The following EVA1C variants were observed in gnomAD, a reference collection of about 807,000 sequenced individuals.
The protein encoded by EVA1C is protein eva-1 homolog C.
In EVA1C, 25 loss-of-function variants were observed where a neutral mutation model predicts 45.4. The ratio of observed to expected loss-of-function variants is 0.55; its 90% CI spans 0.40 to 0.77. EVA1C has a LOEUF of 0.77. Ranked by LOEUF, EVA1C falls within the 30% of genes least tolerant of loss-of-function variation. The pLI is 0.00. For synonymous variants in EVA1C, 190 were observed against 221.2 expected (o/e 0.86, Z 1.25); for missense variants, 479 against 554.8 (o/e 0.86, Z 1.37).
At chr21:32,435,422 C>T (rs1010892366) in intron 1 of EVA1C, among the ~76,000 whole-genome samples, 15 of 152,228 alleles carry the variant, frequency 9.9e-5, no homozygotes, top group African/African-American at 3.4e-4. Context: ...TCAGTAGCCC[C>T]TCCTGAGCCT....
At chr21:32,484,492 C>T (rs1386602251) in intron 4 of EVA1C, among the ~76,000 whole-genome samples, 9 of 150,960 alleles carry the variant, frequency 6.0e-5, no homozygotes, top group Non-Finnish European at 7.4e-5. Context: ...TGCAGTGAGC[C>T]GAGATCATGC....
chr21:32,449,046 G>C lies in EVA1C; in HGVS notation c.161-4266G>C, dbSNP rs183683910. On this transcript the variant is annotated intron_variant, in intron 1 of 7. Transcript: ENST00000300255. ...AAGGAAGGAAAGAAGGAAGGAAAAG[G>C]AAAGAAAGAGAAAAGAAAAGAAAGA... is the stretch of plus-strand genomic sequence containing the variant. Among the ~76,000 whole-genome samples, 30 of 151,568 alleles carry C rather than the reference G, an allele frequency of 2.0e-4. No homozygotes were observed. The East Asian group carries it at 3.5e-3, about 18-fold the overall frequency.
chr21:32,422,863 G>C (rs1297971882), intron 1 of EVA1C, among the ~76,000 whole-genome samples: 1 of 142,908 alleles, frequency 7.0e-6, no homozygotes, highest in Non-Finnish European at 1.5e-5. Context: ...TTGAGGTCAG[G>C]AGTTCGGGAC....
rs527701267 is a variant in EVA1C, at chr21:32,434,251, G to A, written c.161-19061G>A. Among the ~76,000 whole-genome samples the A allele has an allele frequency of 1.4e-3, 206 of 151,830 alleles. 1 individual carries two copies. Among genetic ancestry groups the A allele is most frequent in the African/African-American group, 4.6e-3 (189 of 41,378 alleles). On this transcript the variant is annotated intron_variant, in intron 1 of 7. Transcript: ENST00000300255. ...GCGGAAGTGGCAGTGAGCCAAGATC[G>A]CACCACTGCACTCCAGCCTGGGTGA...
intron 4 of EVA1C, among the ~76,000 whole-genome samples, chr21:32,478,797 T>TA (rs2036674009): frequency 6.6e-6 from 1 of 152,248 alleles, no homozygotes; most frequent in South Asian, 2.1e-4. Context: ...CGCTGTGGTT[T>TA]ACATTTTCCG....
intron 4 of EVA1C, among the ~76,000 whole-genome samples, chr21:32,475,927 C>CTATCT (rs1568924705): frequency 6.7e-6 from 1 of 150,180 alleles, no homozygotes; most frequent in Admixed American, 6.6e-5. Context: ...ATCTATCTAT[C>CTATCT]TATATAAACA....
At chr21:32,473,668 G>A (rs144650501) in intron 4 of EVA1C, among the ~76,000 whole-genome samples, 111 of 152,228 alleles carry the variant, frequency 7.3e-4, no homozygotes, top group Middle Eastern at 6.8e-3. Flanking sequence ...TCCCCTCTTC[G>A]CTTAGCAGCC....
rs372394331 is a variant in EVA1C at position 32,412,828 on chromosome 21, G to A, written c.-26G>A. The A allele has an allele frequency of 5.5e-5, 77 of 1,388,000 alleles. No individual in the cohort carries two copies. Among genetic ancestry groups the A allele is most frequent in the East Asian group, 2.7e-4 (9 of 33,038 alleles). 86.0% of individuals were successfully genotyped at this position (1,388,000 alleles called of 1,614,324 possible). Reference sequence around the variant, plus strand: ...GACCCCCAGCGCGTCCCGGGCCTGCGCCTCCGCCCCGCCGCGCAGCGCACG... The same window carrying A: ...GACCCCCAGCGCGTCCCGGGCCTGCACCTCCGCCCCGCCGCGCAGCGCACG... On this transcript the variant is annotated 5_prime_UTR_variant, in exon 1 of 8. Coordinates refer to ENST00000300255, the MANE Select transcript of EVA1C (RefSeq NM_058187.5).
intron 4 of EVA1C, among the ~76,000 whole-genome samples, chr21:32,491,509 T>C (rs2037155993): frequency 6.6e-6 from 1 of 151,142 alleles, no homozygotes; most frequent in Non-Finnish European, 1.5e-5. Flanking sequence ...GCCAACATGG[T>C]GAAACCCCGT....
chr21:32,501,248 A>AT (rs35132587), intron 5 of EVA1C, among the ~76,000 whole-genome samples, 167 bp from the exon 6 acceptor site: 152,280 of 152,288 alleles, frequency 1, 76,136 homozygotes, highest in Middle Eastern at 1. Flanking sequence ...CATGGATACC[A>AT]TGGGTTTGTG....
intron 6 of EVA1C, among the ~76,000 whole-genome samples, chr21:32,502,136 G>A (rs1393671856): frequency 6.7e-6 from 1 of 148,644 alleles, no homozygotes; most frequent in Non-Finnish European, 1.5e-5. Context: ...TTTCGCTCTT[G>A]TCGCCCAGGC....
At chr21:32,503,382 A>G (rs1389257184) in intron 6 of EVA1C, among the ~76,000 whole-genome samples, 1 of 152,094 alleles carries the variant, frequency 6.6e-6, no homozygotes, top group African/African-American at 2.4e-5. Context: ...CCCATCTCTA[A>G]TAAAAATACA....
chr21:32,509,894 TG>T (rs1292672219), intron 7 of EVA1C, among the ~76,000 whole-genome samples: 1 of 151,002 alleles, frequency 6.6e-6, no homozygotes, highest in Non-Finnish European at 1.5e-5. Flanking sequence ...GAGTGAGGAA[TG>T]GCAGGCTAGA....
At chr21:32,461,325 A>T (rs1352981302) in intron 3 of EVA1C, among the ~76,000 whole-genome samples, 1 of 152,218 alleles carries the variant, frequency 6.6e-6, no homozygotes, top group Non-Finnish European at 1.5e-5. Flanking sequence ...TTAAGCAGGG[A>T]GGGTGCTGTG....
chr21:32,465,266 C>T (rs1244440823), intron 3 of EVA1C, among the ~76,000 whole-genome samples: 2 of 152,138 alleles, frequency 1.3e-5, no homozygotes, highest in African/African-American at 2.4e-5. Context: ...AATCAGCCTG[C>T]ACTTCCAATC....
At chr21:32,463,884 T>C (rs2036087285) in intron 3 of EVA1C, among the ~76,000 whole-genome samples, 2 of 152,212 alleles carry the variant, frequency 1.3e-5, no homozygotes, top group Non-Finnish European at 2.9e-5. Context: ...GTGCCAGCTC[T>C]GCCATGGGAA....
At chr21:32,430,881 G>A (rs1467902044) in intron 1 of EVA1C, among the ~76,000 whole-genome samples, 6 of 143,052 alleles carry the variant, frequency 4.2e-5, no homozygotes, top group Admixed American at 7.1e-5. Context: ...GCTGAGGCAC[G>A]AAAATTGCTT....
At chr21:32,496,888 G>T in intron 5 of EVA1C, 1 of 1,140,220 alleles carries the variant, frequency 8.8e-7, no homozygotes, top group South Asian at 1.2e-5. Flanking sequence ...AGTTGATGTT[G>T]GAGGGAGTGA....
intron 1 of EVA1C, among the ~76,000 whole-genome samples, chr21:32,430,885 A>G (rs921029475): frequency 4.0e-5 from 6 of 149,434 alleles, no homozygotes; most frequent in Non-Finnish European, 2.9e-5. Flanking sequence ...AGGCACGAAA[A>G]TTGCTTAAAC....
Sources: allele counts gnomAD v4.1 joint callset (sites outside exome capture counted in the v4.1 genomes callset), GRCh38; gene constraint gnomAD v4.1.1; transcripts MANE v1.5; gene names NCBI Gene and HGNC (gene_info 2026-07-23, HGNC 2026-07-21).